ZNF605: variants seen among roughly 807,000 people sequenced by gnomAD.
The protein encoded by ZNF605 is zinc finger protein 605.
ZNF605 carries 9 observed loss-of-function variants against 7.9 expected under a neutral mutation model. That is an observed-to-expected ratio of 1.14 (90% CI 0.68 to 1.98). The LOEUF is 1.98. ZNF605 is among the 30% of genes most tolerant of loss of function. ZNF605 has a pLI of 0.00. For missense variants in ZNF605, 673 were observed against 762.4 expected, an observed-to-expected ratio of 0.88 and a Z score of 1.38; for synonymous variants, 255 against 260.1, an observed-to-expected ratio of 0.98 and a Z score of 0.19.
chr12:132,934,702 C>CT (rs1952344791), intron 3 of ZNF605, among the ~76,000 whole-genome samples: 1 of 44,132 alleles, frequency 2.3e-5, no homozygotes, highest in African/African-American at 7.8e-5. Context: ...AAGATTCCGT[C>CT]TAAAAAAAAA....
intron 4 of ZNF605, among the ~76,000 whole-genome samples, chr12:132,927,841 G>A (rs1952264047): frequency 6.6e-6 from 1 of 151,660 alleles, no homozygotes; most frequent in East Asian, 1.9e-4. Flanking sequence ...ATTTTTAGTA[G>A]AGATGGGGTT....
intron 1 of ZNF605, among the ~76,000 whole-genome samples, chr12:132,954,468 G>T (rs1952613436): frequency 1.7e-5 from 2 of 115,002 alleles, no homozygotes; most frequent in African/African-American, 6.7e-5. Context: ...GTGGGGAGGG[G>T]AGGAGAAGGG....
intron 1 of ZNF605, among the ~76,000 whole-genome samples, chr12:132,954,334 G>C (rs1386927110): frequency 3.6e-5 from 4 of 109,864 alleles, no homozygotes; most frequent in Non-Finnish European, 7.4e-5. Context: ...TCCTGCAGAT[G>C]AGCTGGGGAG....
chr12:132,935,717 C>T (rs985442575), intron 3 of ZNF605, among the ~76,000 whole-genome samples: 2 of 151,820 alleles, frequency 1.3e-5, no homozygotes, highest in African/African-American at 2.4e-5. Flanking sequence ...ATGGTGAAAC[C>T]CCATCTCTAC....
chr12:132,951,037 CAT>C (rs1456823519), intron 1 of ZNF605, among the ~76,000 whole-genome samples: 8 of 145,618 alleles, frequency 5.5e-5, no homozygotes, highest in African/African-American at 1.0e-4. Flanking sequence ...ACATCACAGA[CAT>C]GTACACACAG....
intron 3 of ZNF605, among the ~76,000 whole-genome samples, chr12:132,936,795 T>C (rs1952371402): frequency 6.6e-6 from 1 of 152,164 alleles, no homozygotes; most frequent in South Asian, 2.1e-4. Context: ...CTGTGTGACT[T>C]TGGGTTTGGC....
At chr12:132,952,818 G>C (rs1952586519) in intron 1 of ZNF605, among the ~76,000 whole-genome samples, 1 of 152,014 alleles carries the variant, frequency 6.6e-6, no homozygotes, top group African/African-American at 2.4e-5. Context: ...TACAAGGAGA[G>C]GGCCAAAGGG....
rs933865269 is a variant in ZNF605, at chr12:132,939,005, C to G, written c.16-5850G>C. 4.8e-4 allele frequency among the ~76,000 whole-genome samples: 72 copies of G among 151,086 alleles called. 5 individuals are homozygous for G. Among genetic ancestry groups the G allele is most frequent in the Non-Finnish European group, 9.2e-4 (62 of 67,330 alleles). On this transcript the variant is annotated intron_variant, in intron 3 of 4. Coordinates refer to ENST00000360187, the MANE Select transcript of ZNF605 (RefSeq NM_183238.4). ...TGCCTCCCCGCGGGGCAGGGCTGGGCACCTGCAGCCCACCATGCCTGAGCC... is the reference window on the plus strand; with the variant it reads ...TGCCTCCCCGCGGGGCAGGGCTGGGGACCTGCAGCCCACCATGCCTGAGCC...
At chr12:132,950,961 ACACT>A (rs1360838360) in intron 1 of ZNF605, among the ~76,000 whole-genome samples, 8 of 151,894 alleles carry the variant, frequency 5.3e-5, no homozygotes, top group Non-Finnish European at 1.0e-4. Context: ...ATGCACACAC[ACACT>A]CAGACACACT....
chr12:132,946,900 C>T (rs1952499346), intron 2 of ZNF605, among the ~76,000 whole-genome samples: 2 of 152,276 alleles, frequency 1.3e-5, no homozygotes, highest in East Asian at 1.9e-4. Flanking sequence ...GCTGACACCC[C>T]GAGGGGAATG....
rs994265916 is a variant in ZNF605 at position 132,923,031 on chromosome 12, C to T, written c.*2342G>A. 5.3e-5 allele frequency: 8 copies of T among 152,206 alleles called. No homozygotes were observed. The highest frequency in any genetic ancestry group is 1.9e-4 in the African/African-American group (8 of 41,452). The allele number at this position is 152,206 out of a possible 1,614,324, so 9.4% of individuals were successfully genotyped here. On this transcript the variant is annotated 3_prime_UTR_variant, in exon 5 of 5. Coordinates refer to ENST00000360187, the MANE Select transcript of ZNF605 (RefSeq NM_183238.4). ...TGCAGATCCACAATACATACAATTT[C>T]TGTCATGTGCCTGCTACAAATTCAA...
chr12:132,925,445 T>A lies in ZNF605; in HGVS notation c.1854A>T (p.Gly618=). The change falls in exon 5 of 5, where the codon GGA becomes GGT. Residue 618 remains glycine, a synonymous_variant. Transcript: ENST00000360187. ...QRIHTGDKYY[G]CNECGTTFNR... ...TGAAGGTGGTCCCACACTCATTGCATCCATAGTATTTATCTCCTGTATGAA... is the reference window on the plus strand; with the variant it reads ...TGAAGGTGGTCCCACACTCATTGCAACCATAGTATTTATCTCCTGTATGAA... 1.9e-6 allele frequency: 3 copies of A among 1,614,112 alleles called. No individual in the cohort carries two copies. The South Asian group carries it at 3.3e-5, about 18-fold the overall frequency.
At position 132,950,993 on chromosome 12, in the gene ZNF605, C is replaced by T. The variant is rs967667748; in HGVS notation, c.-285-2723G>A. Among the ~76,000 whole-genome samples, 160 of 152,020 alleles carry T rather than the reference C, an allele frequency of 1.1e-3. 1 individual carries two copies. The East Asian group carries it at 0.026, about 24-fold the overall frequency. Reference sequence around the variant, plus strand: ...GACACACTGATACACATGTACATCACACGCAGACATGTACAGACATACTGA... The same window carrying T: ...GACACACTGATACACATGTACATCATACGCAGACATGTACAGACATACTGA... On this transcript the variant is annotated intron_variant, in intron 1 of 4. Transcript: ENST00000360187.
In ZNF605 at chr12:132,925,411, A is replaced by T. The variant is rs777514185; in HGVS notation, c.1888T>A (p.Ser630Thr). 6.2e-7 allele frequency: 1 copy of T among 1,605,690 alleles called. No homozygotes were observed. Among genetic ancestry groups the T allele is most frequent in the Non-Finnish European group, 8.5e-7 (1 of 1,175,424 alleles). The change falls in exon 5 of 5, where the codon TCG (serine) becomes ACG (threonine). Residue 630 changes from serine (S) to threonine (T), a missense_variant. Coordinates refer to ENST00000360187, the MANE Select transcript of ZNF605 (RefSeq NM_183238.4). ...NECGTTFNRK[S>T]QLMIHQRNHI... Reference sequence around the variant, plus strand: ...TTTCTCTGATGTATCATAAGCTGCGACTTCCTGTTGAAGGTGGTCCCACAC... The same window carrying T: ...TTTCTCTGATGTATCATAAGCTGCGTCTTCCTGTTGAAGGTGGTCCCACAC...
chr12:132,925,272 T>C lies in ZNF605; in HGVS notation c.*101A>G, dbSNP rs541945526. 4 of 834,484 alleles carry C rather than the reference T, an allele frequency of 4.8e-6. No individual in the cohort carries two copies. The highest frequency in any genetic ancestry group is 7.3e-6 in the Non-Finnish European group (4 of 551,434). The allele number at this position is 834,484 out of a possible 1,614,324, so 51.7% of individuals were successfully genotyped here. A position where few individuals can be genotyped will look rare whatever the true frequency, so the allele number is the denominator to read the frequency against. On this transcript the variant is annotated 3_prime_UTR_variant, in exon 5 of 5. Transcript: ENST00000360187. ...TCCTCAATTCAAGCTTTTTCAACAG[T>C]CACTGCCTCAATAGGGTTTCTCTCC...
In ZNF605 at chr12:132,954,462, G is replaced by A. The variant is rs12426001; in HGVS notation, c.-286+1781C>T. 0.014 allele frequency among the ~76,000 whole-genome samples: 1,609 copies of A among 117,340 alleles called. 220 individuals are homozygous for A. The East Asian group carries it at 0.17, about 13-fold the overall frequency. The allele number at this position is 117,340 out of a possible 152,430, so 77.0% of individuals were successfully genotyped here. A position where few individuals can be genotyped will look rare whatever the true frequency, so the allele number is the denominator to read the frequency against. On this transcript the variant is annotated intron_variant, in intron 1 of 4. Transcript: ENST00000360187. ...GGTAGGGAGGGGAGGAGAAGGGTGG[G>A]GAGGGGAGGAGAAGGGGCTTCTGTC...
chr12:132,928,207 A>G (rs921803417), intron 4 of ZNF605, among the ~76,000 whole-genome samples: 25 of 152,394 alleles, frequency 1.6e-4, no homozygotes, highest in African/African-American at 6.0e-4. Context: ...GTTGAATGGT[A>G]TAATAGAAAA....
At position 132,926,058 on chromosome 12, in the gene ZNF605, A is replaced by AT; in HGVS notation, c.1240dup (p.Ile414AsnfsTer37). ...TCCATATGGTTTCTCTCCTAAGTGA[A>AT]TTTTTTGATGTCTTATTAACTCTGA... On this transcript the variant is annotated frameshift_variant, in exon 5 of 5. Transcript: ENST00000360187. LOFTEE classifies it low-confidence loss of function (END_TRUNC). 5.0e-6 allele frequency: 8 copies of AT among 1,614,140 alleles called. No individual in the cohort carries two copies. The highest frequency in any genetic ancestry group is 6.8e-6 in the Non-Finnish European group (8 of 1,180,028).
At chr12:132,952,685 G>A (rs1322626506) in intron 1 of ZNF605, among the ~76,000 whole-genome samples, 1 of 151,674 alleles carries the variant, frequency 6.6e-6, no homozygotes, top group African/African-American at 2.4e-5. Context: ...AGGCCTAGGA[G>A]GTACAAACAG....
Sources: allele counts gnomAD v4.1 joint callset (sites outside exome capture counted in the v4.1 genomes callset), GRCh38; gene constraint gnomAD v4.1.1; transcripts MANE v1.5; gene names NCBI Gene and HGNC (gene_info 2026-07-23, HGNC 2026-07-21).